Variants in CYP11A1 observed in about 807,000 individuals in gnomAD.
The protein encoded by CYP11A1 is cytochrome P450 family 11 subfamily A member 1.
CYP11A1 carries 25 observed loss-of-function variants against 51.9 expected under a neutral mutation model. The ratio of observed to expected loss-of-function variants is 0.48; its 90% CI spans 0.35 to 0.67. CYP11A1 has a LOEUF of 0.67. CYP11A1 is among the 30% of genes least tolerant of loss of function. CYP11A1 has a pLI of 0.00. For missense variants in CYP11A1, 578 were observed against 680.9 expected (o/e 0.85, Z 1.68); for synonymous variants, 245 against 262.1 (o/e 0.93, Z 0.63).
At chr15:74,366,277 A>ATTTCTTTTTTTTT (rs2060732776) in intron 1 of CYP11A1, 1 of 682,450 alleles carries the variant, frequency 1.5e-6, no homozygotes, top group Non-Finnish European at 1.7e-6. Flanking sequence ...CCCTCCCCCG[A>ATTTCTTTTTTTTT]TTTTTTTTTT....
intron 1 of CYP11A1, chr15:74,364,733 A>C (rs2060724131): frequency 6.6e-6 from 1 of 152,358 alleles, no homozygotes; most frequent in Non-Finnish European, 1.5e-5. Flanking sequence ...AGGGTCTAGG[A>C]AGTGGTGAAA....
In CYP11A1 at chr15:74,347,915, A is replaced by G; in HGVS notation, c.410T>C (p.Ile137Thr). Reference sequence around the variant, plus strand: ...CAGGACTCACTTCAACAGGACTCCTATGGGTCTCTGGTAATACTGGTGATA... The same window carrying G: ...CAGGACTCACTTCAACAGGACTCCTGTGGGTCTCTGGTAATACTGGTGATA... Reference protein sequence around the residue: ...VAYHQYYQRPIGVLLKKSAAW... With the variant: ...VAYHQYYQRPTGVLLKKSAAW... Residue 137 changes from isoleucine (I) to threonine (T), a missense_variant, in exon 2 of 9, where the codon ATA becomes ACA. Physicochemically the swap from Ile to Thr is moderately conservative, Grantham distance 89 (BLOSUM62 -1). Coordinates refer to ENST00000268053, the MANE Select transcript of CYP11A1 (RefSeq NM_000781.3). 1 of 1,614,068 alleles carries G rather than the reference A, an allele frequency of 6.2e-7. No individual in the cohort carries two copies. The highest frequency in any genetic ancestry group is 8.5e-7 in the Non-Finnish European group (1 of 1,179,962).
At chr15:74,358,788 C>T (rs991922673) in intron 1 of CYP11A1, among the ~76,000 whole-genome samples, 4 of 152,200 alleles carry the variant, frequency 2.6e-5, no homozygotes, top group African/African-American at 9.7e-5. Flanking sequence ...TGATAACAGA[C>T]CAGCCTTTAT....
chr15:74,342,652 G>C (rs983520925), intron 5 of CYP11A1, among the ~76,000 whole-genome samples: 1 of 152,140 alleles, frequency 6.6e-6, no homozygotes, highest in Non-Finnish European at 1.5e-5. Flanking sequence ...TCCATCAGCA[G>C]GGCTCTGATA....
chr15:74,340,709 T>G (rs2060602757), intron 5 of CYP11A1, among the ~76,000 whole-genome samples: 1 of 152,080 alleles, frequency 6.6e-6, no homozygotes, highest in Non-Finnish European at 1.5e-5. Context: ...ATGCGGAAAC[T>G]GAAACAACAC....
intron 1 of CYP11A1, among the ~76,000 whole-genome samples, chr15:74,352,713 C>G (rs1294572228): frequency 6.6e-6 from 1 of 152,210 alleles, no homozygotes; most frequent in Non-Finnish European, 1.5e-5. Flanking sequence ...AAACATCTGT[C>G]TCCCACCTGT....
chr15:74,345,182 C>T lies in CYP11A1; in HGVS notation c.487G>A (p.Ala163Thr), dbSNP rs138182745. 8.7e-6 allele frequency: 14 copies of T among 1,614,120 alleles called. No homozygotes were observed. In the African/African-American group the frequency reaches 1.6e-4, roughly 18 times the overall value. Residue 163 changes from alanine (A) to threonine (T), a missense_variant, in exon 3 of 9, where the codon GCC (alanine) becomes ACC (threonine). By Grantham distance (58) the Ala-to-Thr change is moderately conservative (BLOSUM62 0). Transcript: ENST00000268053. This position sits in a 1 kb window ranked among gnomAD's most constrained non-coding sequence, Gnocchi z 4.3. ...ALNQEVMAPE[A>T]TKNFLPLLDA... is the part of the protein sequence containing the mutation. ...AACAGGGGCAAAAAGTTCTTGGTGG[C>T]CTCTGGAGCCATCACCTCCTGGTTC...
intron 1 of CYP11A1, among the ~76,000 whole-genome samples, chr15:74,355,245 A>G (rs1175691348): frequency 2.0e-5 from 3 of 152,048 alleles, no homozygotes; most frequent in Non-Finnish European, 4.4e-5. Context: ...AAACCTAAAC[A>G]TCTTATTTTC....
intron 4 of CYP11A1, 131 bp downstream of exon 4, chr15:74,343,658 C>T: frequency 1.2e-6 from 1 of 827,328 alleles, no homozygotes; most frequent in South Asian, 1.4e-5. Context: ...GCCTTCCTGA[C>T]ACCCACGCCT....
chr15:74,365,261 A>C, intron 1 of CYP11A1, among the ~76,000 whole-genome samples: 1 of 150,556 alleles, frequency 6.6e-6, no homozygotes, highest in East Asian at 2.0e-4. Flanking sequence ...CAGCTTTAGC[A>C]GTTTTCCCAG....
intron 3 of CYP11A1, 48 bp from the exon 4 acceptor site, chr15:74,344,040 T>A: frequency 1.3e-6 from 2 of 1,546,686 alleles, no homozygotes; most frequent in Non-Finnish European, 1.8e-6. Context: ...CGGGGCCATC[T>A]GAGAGCCACA....
In CYP11A1 at chr15:74,346,370, AAAAG is replaced by A. The variant is rs945787463; in HGVS notation, c.426-1131_426-1128del. On this transcript the variant is annotated intron_variant, in intron 2 of 8. Transcript: ENST00000268053. ...TCTGCCTCAAAAAAAAAAAAAAAAAAAAAGAAAGAAAGAAAGAAAAGCTGTCATG... is the reference window on the plus strand; with the variant it reads ...TCTGCCTCAAAAAAAAAAAAAAAAAAAAAGAAAGAAAGAAAAGCTGTCATG... Among the ~76,000 whole-genome samples the A allele has an allele frequency of 7.4e-3, 1,004 of 134,996 alleles. 28 individuals carry two copies. Among genetic ancestry groups the A allele is most frequent in the Middle Eastern group, 0.014 (3 of 222 alleles). The allele number at this position is 134,996 out of a possible 152,430, so 88.6% of individuals were successfully genotyped here.
rs150405116 is a variant in CYP11A1 at position 74,345,135 on chromosome 15, G to A, written c.534C>T (p.Phe178=). 3.0e-5 allele frequency: 48 copies of A among 1,613,956 alleles called. No individual in the cohort carries two copies. The highest frequency in any genetic ancestry group is 3.3e-5 in the Non-Finnish European group (39 of 1,180,026). ...LPLLDAVSRD[F]VSVLHRRIKK... ...TGATGCGCCTGTGCAGGACACTGAC[G>A]AAGTCCCGAGACACTGCATCCAACA... The change falls in exon 3 of 9, where the codon TTC becomes TTT. Residue 178 remains phenylalanine (F), a synonymous_variant. Transcript: ENST00000268053. This position sits in a 1 kb window ranked among gnomAD's most constrained non-coding sequence, Gnocchi z 4.3.
At chr15:74,346,775 A>G (rs1196990687) in intron 2 of CYP11A1, among the ~76,000 whole-genome samples, 2 of 149,230 alleles carry the variant, frequency 1.3e-5, no homozygotes, top group Non-Finnish European at 3.0e-5. Context: ...CACACTTGAT[A>G]TGGTTACGTT....
chr15:74,365,675 T>C, intron 1 of CYP11A1: 1 of 985,340 alleles, frequency 1.0e-6, no homozygotes, highest in Non-Finnish European at 1.2e-6. Context: ...TGGAAGAAGA[T>C]CAGAAGTTGG....
At chr15:74,350,481 C>T (rs2060651080) in intron 1 of CYP11A1, among the ~76,000 whole-genome samples, 1 of 152,142 alleles carries the variant, frequency 6.6e-6, no homozygotes, top group Non-Finnish European at 1.5e-5. Flanking sequence ...GTTTCCCCAT[C>T]TGTAAAGTGG....
chr15:74,342,905 A>G, intron 5 of CYP11A1, 72 bp downstream of exon 5: 1 of 1,518,228 alleles, frequency 6.6e-7, no homozygotes, highest in Non-Finnish European at 9.1e-7. Context: ...GTTTCAGACA[A>G]CGAGGGGCCT....
intron 1 of CYP11A1, among the ~76,000 whole-genome samples, chr15:74,358,406 G>T (rs1279695374): frequency 6.6e-6 from 1 of 152,018 alleles, no homozygotes; most frequent in African/African-American, 2.4e-5. Context: ...CTATTCTGTC[G>T]TCATTTCATA....
At chr15:74,350,409 C>T (rs946105442) in intron 1 of CYP11A1, among the ~76,000 whole-genome samples, 1 of 152,190 alleles carries the variant, frequency 6.6e-6, no homozygotes, top group Non-Finnish European at 1.5e-5. Context: ...CCAGTTCCTG[C>T]CCTGGCTTTG....
Sources: allele counts gnomAD v4.1 joint callset (sites outside exome capture counted in the v4.1 genomes callset), GRCh38; gene constraint gnomAD v4.1.1; non-coding constraint Gnocchi (gnomAD v3.1); transcripts MANE v1.5; gene names NCBI Gene and HGNC (gene_info 2026-07-23, HGNC 2026-07-21).